KALRN: variants seen among roughly 807,000 people sequenced by gnomAD.
KALRN encodes the protein kalirin.
Under a neutral mutation model 353.7 loss-of-function variants are expected in KALRN, and 70 were observed. The ratio of observed to expected loss-of-function variants is 0.20; its 90% CI spans 0.16 to 0.24. The LOEUF (loss-of-function observed/expected upper bound fraction) is 0.24, where lower values mean the gene tolerates loss of function less well. Among genes scored for constraint, KALRN ranks in the 10% least tolerant of loss-of-function variants. The probability of loss-of-function intolerance (pLI) is 1.00; values close to 1 mark genes in which losing one functional copy is unlikely to be tolerated. For synonymous variants in KALRN, 1,391 were observed against 1,434.8 expected (o/e 0.97, Z 0.69); for missense variants, 2,791 against 3,756.7 (o/e 0.74, Z 6.72).
chr3:124,311,763 G>A (rs1377672625), intron 6 of KALRN, among the ~76,000 whole-genome samples: 1 of 152,188 alleles, frequency 6.6e-6, no homozygotes, highest in African/African-American at 2.4e-5. Flanking sequence ...ATAAACTGAT[G>A]AATGGATAGA....
intron 35 of KALRN, among the ~76,000 whole-genome samples, chr3:124,633,369 C>A (rs2080991403): frequency 6.6e-6 from 1 of 152,132 alleles, no homozygotes; most frequent in Non-Finnish European, 1.5e-5. Context: ...AAATGAGATA[C>A]CTGTTTTATT....
At chr3:124,387,312 G>C (rs898825760) in intron 11 of KALRN, among the ~76,000 whole-genome samples, 20 of 152,346 alleles carry the variant, frequency 1.3e-4, no homozygotes, top group African/African-American at 4.1e-4. Flanking sequence ...AATACTACTA[G>C]AAGGAGTGGT....
chr3:124,622,211 A>C (rs1198517576), intron 34 of KALRN, among the ~76,000 whole-genome samples: 1 of 152,124 alleles, frequency 6.6e-6, no homozygotes, highest in Non-Finnish European at 1.5e-5. Context: ...AGGTCAAAGG[A>C]CCCCTCTGTA....
At chr3:124,553,927 A>C (rs553299343) in intron 33 of KALRN, among the ~76,000 whole-genome samples, 1 of 152,380 alleles carries the variant, frequency 6.6e-6, no homozygotes, top group South Asian at 2.1e-4. Context: ...TGAAGATAGA[A>C]GGGAGAATAA....
chr3:124,498,224 C>T (rs1195210273), intron 33 of KALRN, among the ~76,000 whole-genome samples: 1 of 152,206 alleles, frequency 6.6e-6, no homozygotes, highest in Non-Finnish European at 1.5e-5. Context: ...CTGCATATTT[C>T]ACAGAAACAG....
At chr3:124,088,111 G>GT (rs139546266) in intron 1 of KALRN, among the ~76,000 whole-genome samples, 29 of 149,812 alleles carry the variant, frequency 1.9e-4, no homozygotes, top group South Asian at 4.2e-4. Context: ...AAGTTTTATA[G>GT]TTTTTTTTTT....
In KALRN at chr3:124,422,670, A is replaced by G. The variant is rs1045357280; in HGVS notation, c.2543-142A>G. ...CAAACAAGGGCGCATTGTGGTGCCC[A>G]GTTTCACAGAGGAATATTTAGGGTT... On this transcript the variant is annotated intron_variant, in intron 14 of 59. Coordinates refer to ENST00000682506, the MANE Select transcript of KALRN (RefSeq NM_001388419.1). 3 of 663,490 alleles carry G rather than the reference A, an allele frequency of 4.5e-6. No homozygotes were observed. The African/African-American group carries it at 5.5e-5, about 12-fold the overall frequency. 41.1% of individuals were successfully genotyped at this position (663,490 alleles called of 1,614,324 possible).
At chr3:124,605,586 A>AGAG (rs1393448627) in intron 34 of KALRN, among the ~76,000 whole-genome samples, 31 of 142,334 alleles carry the variant, frequency 2.2e-4, no homozygotes, top group African/African-American at 7.8e-4. Flanking sequence ...AAAAAAAAAA[A>AGAG]AGAGAGAGAG....
chr3:124,368,036 G>T (rs1462362202), intron 10 of KALRN, among the ~76,000 whole-genome samples: 1 of 45,636 alleles, frequency 2.2e-5, no homozygotes, highest in African/African-American at 1.0e-4. Context: ...CTGGCCGGGC[G>T]GAGGGCTGAC....
intron 33 of KALRN, among the ~76,000 whole-genome samples, chr3:124,511,475 A>G (rs1186056382): frequency 6.6e-6 from 1 of 152,088 alleles, no homozygotes; most frequent in Non-Finnish European, 1.5e-5. Context: ...AGTGACTTCC[A>G]CTGGAGGACT....
chr3:124,481,144 A>G (rs1324069903), intron 27 of KALRN, among the ~76,000 whole-genome samples: 2 of 151,994 alleles, frequency 1.3e-5, no homozygotes, highest in African/African-American at 4.8e-5. Flanking sequence ...TGTTAGGTAT[A>G]TATATTACTC....
chr3:124,133,782 GC>G (rs1222185877), intron 1 of KALRN, among the ~76,000 whole-genome samples: 1 of 152,186 alleles, frequency 6.6e-6, no homozygotes, highest in African/African-American at 2.4e-5. Context: ...GAGTTTCAGG[GC>G]AGCCGGAATA....
intron 6 of KALRN, among the ~76,000 whole-genome samples, chr3:124,307,798 A>G (rs1237539104): frequency 6.6e-6 from 1 of 152,060 alleles, no homozygotes; most frequent in Non-Finnish European, 1.5e-5. Context: ...AAAGGATTCA[A>G]TAATCCAATC....
In KALRN at chr3:124,398,888, A is replaced by G; in HGVS notation, c.2346+17A>G. The G allele has an allele frequency of 6.3e-7, 1 of 1,588,402 alleles. No homozygotes were observed. The highest frequency in any genetic ancestry group is 8.6e-7 in the Non-Finnish European group (1 of 1,166,414). ...ACCATCGAGGTAGCAGGGGGCCAGG[A>G]GGGGAGGTGGAGAGGGGCCAAGAAG... On this transcript the variant is annotated intron_variant, in intron 13 of 59. Coordinates refer to ENST00000682506, the MANE Select transcript of KALRN (RefSeq NM_001388419.1).
At chr3:124,222,887 G>T (rs1007505591) in intron 1 of KALRN, among the ~76,000 whole-genome samples, 2 of 152,042 alleles carry the variant, frequency 1.3e-5, no homozygotes, top group African/African-American at 4.8e-5. Flanking sequence ...TTATAGATGT[G>T]ACCTACCATG....
chr3:124,286,532 T>C (rs768241944), intron 5 of KALRN, among the ~76,000 whole-genome samples: 1 of 152,334 alleles, frequency 6.6e-6, no homozygotes, highest in South Asian at 2.1e-4. Context: ...ATTACAGGCA[T>C]GAACCACTGC....
At chr3:124,508,824 G>T (rs1216176655) in intron 33 of KALRN, among the ~76,000 whole-genome samples, 1 of 152,120 alleles carries the variant, frequency 6.6e-6, no homozygotes, top group East Asian at 1.9e-4. Context: ...ACTTTGTATT[G>T]TTAGACTTCA....
At position 124,251,568 on chromosome 3, in the gene KALRN, A is replaced by T. The variant is rs2071181541; in HGVS notation, c.264-12930A>T. ...TATTTTTTTGTAGAGACGTGGTTCCAACATCTTGCCCAGGCTGGTCTCGAA... is the reference window on the plus strand; with the variant it reads ...TATTTTTTTGTAGAGACGTGGTTCCTACATCTTGCCCAGGCTGGTCTCGAA... On this transcript the variant is annotated intron_variant, in intron 3 of 59. Transcript: ENST00000682506. Among the ~76,000 whole-genome samples the T allele has an allele frequency of 2.0e-5, 3 of 151,954 alleles. No individual in the cohort carries two copies. In the South Asian group the frequency reaches 6.3e-4, roughly 32 times the overall value.
At chr3:124,465,890 C>T (rs143317715) in intron 25 of KALRN, among the ~76,000 whole-genome samples, 1,855 of 152,252 alleles carry the variant, frequency 0.012, 31 homozygotes, top group Non-Finnish European at 0.014. Context: ...CACGACCTTG[C>T]TAACTTAATT....
Sources: gnomAD v4.1 joint callset for allele counts (sites outside exome capture counted in the v4.1 genomes callset) on GRCh38, gnomAD v4.1.1 for gene constraint, MANE v1.5 for transcripts, NCBI Gene and HGNC (gene_info 2026-07-23, HGNC 2026-07-21) for gene names.